CACNA1E: variants seen among roughly 807,000 people sequenced by gnomAD.
CACNA1E encodes calcium voltage-gated channel subunit alpha1 E, also known as voltage-dependent R-type calcium channel subunit alpha-1E.
Under a neutral mutation model 259.2 loss-of-function variants are expected in CACNA1E, and 40 were observed. That is an observed-to-expected ratio of 0.15 (90% CI 0.12 to 0.20). CACNA1E has a LOEUF of 0.20. CACNA1E is among the 10% of genes least tolerant of loss of function. The probability of loss-of-function intolerance (pLI) is 1.00; values close to 1 mark genes in which losing one functional copy is unlikely to be tolerated. For missense variants in CACNA1E, 1,874 were observed against 3,040.1 expected, an observed-to-expected ratio of 0.62 and a Z score of 9.02; for synonymous variants, 1,104 against 1,138.5, an observed-to-expected ratio of 0.97 and a Z score of 0.61.
At chr1:181,388,972 G>T (rs1368049965) in intron 1 of CACNA1E, among the ~76,000 whole-genome samples, 1 of 152,042 alleles carries the variant, frequency 6.6e-6, no homozygotes, top group African/African-American at 2.4e-5. Flanking sequence ...TTGTTTTGTG[G>T]TGCATGACTG....
At chr1:181,594,586 C>T (rs539617648) in intron 6 of CACNA1E, among the ~76,000 whole-genome samples, 12 of 152,228 alleles carry the variant, frequency 7.9e-5, no homozygotes, top group South Asian at 2.1e-4. Context: ...TTAATAGAGA[C>T]GGGGTTTCGC....
intron 1 of CACNA1E, among the ~76,000 whole-genome samples, chr1:181,321,361 T>C (rs371211120): frequency 1.4e-4 from 21 of 152,228 alleles, no homozygotes; most frequent in African/African-American, 5.1e-4. Flanking sequence ...TCATGAATCC[T>C]ACCTGGGGTG....
In CACNA1E at chr1:181,787,089, A is replaced by T. The variant is rs542725058; in HGVS notation, c.5786+1270A>T. ...AAAGAAGTATGATTGGAAGAGTGGG[A>T]CCTCTTCACTGGAAGGGTTTACACT... is the stretch of plus-strand genomic sequence containing the variant. On this transcript the variant is annotated intron_variant, in intron 43 of 47. Transcript: ENST00000367573. 1.1e-4 allele frequency among the ~76,000 whole-genome samples: 17 copies of T among 151,932 alleles called. No individual in the cohort carries two copies. In the South Asian group the frequency reaches 3.5e-3, roughly 32 times the overall value.
At chr1:181,482,447 G>A (rs1247455050), upstream of CACNA1E, among the ~76,000 whole-genome samples, 1 of 152,238 alleles carries the variant, frequency 6.6e-6, no homozygotes, top group African/African-American at 2.4e-5. Context: ...GGGGAAAGGG[G>A]ACTCTTCACT....
chr1:181,666,166 A>C (rs1166049741), intron 7 of CACNA1E, among the ~76,000 whole-genome samples: 2 of 152,200 alleles, frequency 1.3e-5, no homozygotes, highest in African/African-American at 4.8e-5. Flanking sequence ...GCAGCCTGCT[A>C]TTCATGAGAA....
At chr1:181,421,895 G>A (rs77140099) in intron 2 of CACNA1E, among the ~76,000 whole-genome samples, 2,339 of 152,238 alleles carry the variant, frequency 0.015, 23 homozygotes, top group Middle Eastern at 0.065. Flanking sequence ...TGACACAACA[G>A]GCAGGGACAA....
intron 1 of CACNA1E, among the ~76,000 whole-genome samples, chr1:181,347,552 C>T (rs1652693283): frequency 6.6e-6 from 1 of 152,202 alleles, no homozygotes; most frequent in Non-Finnish European, 1.5e-5. Context: ...AACTCCAGAC[C>T]CTGCAGGCTC....
chr1:181,383,819 A>T (rs1193073935), intron 1 of CACNA1E, among the ~76,000 whole-genome samples: 1 of 152,194 alleles, frequency 6.6e-6, no homozygotes, highest in African/African-American at 2.4e-5. Context: ...CGTAGGCAAA[A>T]GGGATGTGTG....
At chr1:181,648,206 T>C (rs1658457558) in intron 6 of CACNA1E, among the ~76,000 whole-genome samples, 1 of 152,222 alleles carries the variant, frequency 6.6e-6, no homozygotes, top group Non-Finnish European at 1.5e-5. Flanking sequence ...CATATTAGAA[T>C]TGTGGACGTT....
chr1:181,403,718 G>A (rs1351673714), intron 1 of CACNA1E, among the ~76,000 whole-genome samples: 1 of 152,176 alleles, frequency 6.6e-6, no homozygotes, highest in Admixed American at 6.5e-5. Context: ...CAACTAATGT[G>A]CTTTGGGGTG....
At chr1:181,640,827 A>C (rs74687674) in intron 6 of CACNA1E, among the ~76,000 whole-genome samples, 5,221 of 152,336 alleles carry the variant, frequency 0.034, 119 homozygotes, top group Non-Finnish European at 0.047. Flanking sequence ...CTATTAGTAA[A>C]CAACATTATC....
chr1:181,384,085 C>T (rs6667719), intron 1 of CACNA1E, among the ~76,000 whole-genome samples: 1,799 of 152,300 alleles, frequency 0.012, 46 homozygotes, highest in African/African-American at 0.04. Flanking sequence ...AACTGCCCTA[C>T]GTGGGTATGG....
intron 2 of CACNA1E, among the ~76,000 whole-genome samples, chr1:181,440,098 T>C (rs1267007968): frequency 6.6e-6 from 1 of 152,234 alleles, no homozygotes; most frequent in Non-Finnish European, 1.5e-5. Context: ...TCAGTATGGT[T>C]TGGTGACCAA....
chr1:181,745,063 C>G (rs1656932054), intron 25 of CACNA1E, among the ~76,000 whole-genome samples: 1 of 152,144 alleles, frequency 6.6e-6, no homozygotes, highest in Non-Finnish European at 1.5e-5. Context: ...GTGCCTACTA[C>G]TATATCATAG....
intron 2 of CACNA1E, among the ~76,000 whole-genome samples, chr1:181,430,973 T>C (rs1659674443): frequency 6.6e-6 from 1 of 152,236 alleles, no homozygotes; most frequent in Non-Finnish European, 1.5e-5. Context: ...ATTAGATTTC[T>C]AGAAACACAC....
At chr1:181,659,208 C>A (rs536405095) in intron 7 of CACNA1E, among the ~76,000 whole-genome samples, 6 of 152,132 alleles carry the variant, frequency 3.9e-5, no homozygotes, top group Admixed American at 2.0e-4. Flanking sequence ...TGAGAGGGGG[C>A]AGGCCACATC....
At position 181,485,843 on chromosome 1, in the gene CACNA1E, C is replaced by T. The variant is rs963481593; in HGVS notation, c.266+1833C>T. 2.0e-5 allele frequency among the ~76,000 whole-genome samples: 3 copies of T among 152,234 alleles called. No homozygotes were observed. Among genetic ancestry groups the T allele is most frequent in the Non-Finnish European group, 4.4e-5 (3 of 68,032 alleles). ...GGGCGTGTTTATTCAGACAGGCGCC[C>T]TCCCGTTTCTTTGCGGTAGACAAAG... On this transcript the variant is annotated intron_variant, in intron 1 of 47. Coordinates refer to ENST00000367573, the MANE Select transcript of CACNA1E (RefSeq NM_001205293.3). This position sits in a 1 kb window ranked among gnomAD's most constrained non-coding sequence, Gnocchi z 4.2.
chr1:181,570,407 A>G (rs1396115815), intron 3 of CACNA1E, among the ~76,000 whole-genome samples: 1 of 152,212 alleles, frequency 6.6e-6, no homozygotes, highest in East Asian at 1.9e-4. Context: ...ACAGTGGCCT[A>G]AGAATCAGAT....
In CACNA1E at chr1:181,660,447, A is replaced by AT. The variant is rs148227373; in HGVS notation, c.1055+9015dup. 2.6e-3 allele frequency among the ~76,000 whole-genome samples: 399 copies of AT among 151,856 alleles called. 1 individual carries two copies. Among genetic ancestry groups the AT allele is most frequent in the African/African-American group, 9.0e-3 (373 of 41,444 alleles). The stretch of plus-strand genomic sequence containing the variant: ...GAAGGCTAGTCCCTCCCCAAAGCTA[A>AT]TTTTTTTTTGAGATTCATATATGCA... On this transcript the variant is annotated intron_variant, in intron 7 of 47. Coordinates refer to ENST00000367573, the MANE Select transcript of CACNA1E (RefSeq NM_001205293.3).
Sources: gnomAD v4.1 joint callset for allele counts (sites outside exome capture counted in the v4.1 genomes callset) on GRCh38, gnomAD v4.1.1 for gene constraint, Gnocchi (gnomAD v3.1) non-coding constraint, MANE v1.5 for transcripts, NCBI Gene and HGNC (gene_info 2026-07-23, HGNC 2026-07-21) for gene names.